The following SLC30A10 variants were observed in gnomAD, a reference collection of about 807,000 sequenced individuals.
SLC30A10 encodes calcium/manganese antiporter SLC30A10.
In SLC30A10, 8 loss-of-function variants were observed where a neutral mutation model predicts 21.7. That is an observed-to-expected ratio of 0.37 (90% CI 0.22 to 0.67). SLC30A10 has a LOEUF of 0.67. Ranked by LOEUF, SLC30A10 falls within the 30% of genes least tolerant of loss-of-function variation. SLC30A10 has a pLI of 0.58. For missense variants in SLC30A10, 521 were observed against 642.5 expected, an observed-to-expected ratio of 0.81 and a Z score of 2.04; for synonymous variants, 272 against 279.4, an observed-to-expected ratio of 0.97 and a Z score of 0.26.
chr1:219,911,149 G>GTTTTTTTTTTTTTTT lies in SLC30A10; in HGVS notation c.*4285_*4299dup. On this transcript the variant is annotated 3_prime_UTR_variant, in exon 4 of 4. Coordinates refer to ENST00000366926, the MANE Select transcript of SLC30A10 (RefSeq NM_018713.3). The stretch of plus-strand genomic sequence containing the variant: ...ATGTTTCTTCATTTTTTCTACATCA[G>GTTTTTTTTTTTTTTT]TTTTTTTTTTTTTTTTTTTTTTTTT... 3.2e-4 allele frequency among the ~76,000 whole-genome samples: 16 copies of GTTTTTTTTTTTTTTT among 49,406 alleles called. No homozygotes were observed. Among genetic ancestry groups the GTTTTTTTTTTTTTTT allele is most frequent in the African/African-American group, 5.2e-4 (9 of 17,164 alleles). 32.4% of individuals were successfully genotyped at this position (49,406 alleles called of 152,430 possible).
intron 1 of SLC30A10, among the ~76,000 whole-genome samples, chr1:219,942,603 C>T (rs1051460007): frequency 2.6e-5 from 4 of 152,196 alleles, no homozygotes; most frequent in African/African-American, 7.2e-5. Flanking sequence ...ATAACTCAGG[C>T]AAACAATTTT....
chr1:219,943,334 T>C (rs1660144756), intron 1 of SLC30A10, among the ~76,000 whole-genome samples: 1 of 152,186 alleles, frequency 6.6e-6, no homozygotes, highest in African/African-American at 2.4e-5. Context: ...AGTGAAGTCA[T>C]AATGGAGACC....
chr1:219,933,445 C>T (rs539388766), upstream of SLC30A10, among the ~76,000 whole-genome samples: 4 of 152,310 alleles, frequency 2.6e-5, no homozygotes, highest in East Asian at 1.9e-4. Context: ...GCTTTGGAGT[C>T]GGACCGATTT....
At chr1:219,953,966 A>G (rs1463486479) in intron 1 of SLC30A10, among the ~76,000 whole-genome samples, 2 of 151,674 alleles carry the variant, frequency 1.3e-5, no homozygotes, top group Non-Finnish European at 2.9e-5. Context: ...TCAGCCTCCC[A>G]AAGTGCTGGG....
chr1:219,923,905 C>A (rs548824664), intron 2 of SLC30A10, among the ~76,000 whole-genome samples: 1 of 151,780 alleles, frequency 6.6e-6, no homozygotes, highest in Non-Finnish European at 1.5e-5. Flanking sequence ...ACTAAAAATA[C>A]AAAAAAAATT....
intron 1 of SLC30A10, among the ~76,000 whole-genome samples, chr1:219,944,912 C>T (rs1469764589): frequency 6.6e-6 from 1 of 152,158 alleles, no homozygotes; most frequent in Non-Finnish European, 1.5e-5. Flanking sequence ...TGTCTAAACA[C>T]ACCACTTAAA....
Position 219,928,207 on chromosome 1 carries a change from C to G in SLC30A10, c.234G>C (p.Glu78Asp). ...FSATYGYARA[E>D]VVGALSNAVF... ...CCGCGTTGCTCAGCGCGCCCACCAC[C>G]TCGGCGCGGGCGTAGCCGTAGGTGG... Residue 78 changes from glutamate (E) to aspartate (D), a missense_variant, in exon 1 of 4, where the codon GAG becomes GAC. By Grantham distance (45) the Glu-to-Asp change is conservative (BLOSUM62 2). Coordinates refer to ENST00000366926, the MANE Select transcript of SLC30A10 (RefSeq NM_018713.3). The surrounding 1 kb of genome is among the most constrained non-coding windows in gnomAD (Gnocchi z 6.3). 1 of 1,561,694 alleles carries G rather than the reference C, an allele frequency of 6.4e-7. No homozygotes were observed. Among genetic ancestry groups the G allele is most frequent in the Non-Finnish European group, 8.7e-7 (1 of 1,153,034 alleles).
intron 1 of SLC30A10, among the ~76,000 whole-genome samples, chr1:219,948,440 C>T (rs893695913): frequency 6.6e-5 from 10 of 151,992 alleles, no homozygotes; most frequent in African/African-American, 2.4e-4. Context: ...CAGAACAGAG[C>T]CCTCAGAAAT....
Position 219,918,516 on chromosome 1 carries a change from G to GTA in SLC30A10, c.719-23_719-22insTA, listed in dbSNP as rs762693128. 10 of 1,558,028 alleles carry GTA rather than the reference G, an allele frequency of 6.4e-6. No homozygotes were observed. In the South Asian group the frequency reaches 1.2e-4, roughly 19 times the overall value. ...ACACCTGCCAGGAAGAAAGACTACT[G>GTA]CAGCACAGATGCAAATCTGGAAGCC... On this transcript the variant is annotated intron_variant, in intron 2 of 3. Transcript: ENST00000366926. The surrounding 1 kb of genome is among the most constrained non-coding windows in gnomAD (Gnocchi z 4.4).
intron 2 of SLC30A10, among the ~76,000 whole-genome samples, chr1:219,921,907 A>AGAGAG (rs1659687168): frequency 1.5e-5 from 1 of 65,984 alleles, no homozygotes; most frequent in South Asian, 5.5e-4. Context: ...GTGTGTGTGA[A>AGAGAG]AGAGAGAGAG....
In SLC30A10 at chr1:219,912,556, C is replaced by T. The variant is rs556221282; in HGVS notation, c.*2893G>A. The stretch of plus-strand genomic sequence containing the variant: ...CTTTAAAAATTATGTCAGTTCTGGC[C>T]GGGCGCAGTGGCTTACGCCTGTAAT... On this transcript the variant is annotated 3_prime_UTR_variant, in exon 4 of 4. Transcript: ENST00000366926. Among the ~76,000 whole-genome samples the T allele has an allele frequency of 5.9e-5, 9 of 152,224 alleles. No homozygotes were observed. The South Asian group carries it at 1.2e-3, about 21-fold the overall frequency.
At chr1:219,947,153 CTTTAT>C (rs1430480262) in intron 1 of SLC30A10, among the ~76,000 whole-genome samples, 1 of 152,150 alleles carries the variant, frequency 6.6e-6, no homozygotes, top group Admixed American at 6.5e-5. Context: ...TAAGGATCAT[CTTTAT>C]TTTATTTCCT....
intron 2 of SLC30A10, among the ~76,000 whole-genome samples, chr1:219,924,795 A>AGT (rs1659775369): frequency 1.3e-5 from 2 of 152,218 alleles, no homozygotes; most frequent in African/African-American, 4.8e-5. Context: ...TATAAGCCTA[A>AGT]ACACTTTATA....
rs150540254 is a variant in SLC30A10 at position 219,945,419 on chromosome 1, T to A, written n.80+13149A>T. Among the ~76,000 whole-genome samples the A allele has an allele frequency of 1.7e-3, 259 of 152,244 alleles. 1 individual carries two copies. Among genetic ancestry groups the A allele is most frequent in the Middle Eastern group, 0.014 (4 of 294 alleles). On this transcript the variant is annotated intron_variant and non_coding_transcript_variant, in intron 1 of 8. Coordinates refer to the SLC30A10 transcript ENST00000484239. Reference sequence around the variant, plus strand: ...TTTGTAACTTACTGAGAATATAAAGTGATTTCAAAATAAAATTTTAAAAAA... The same window carrying A: ...TTTGTAACTTACTGAGAATATAAAGAGATTTCAAAATAAAATTTTAAAAAA...
At chr1:219,922,703 T>C (rs1385628173) in intron 2 of SLC30A10, among the ~76,000 whole-genome samples, 1 of 151,894 alleles carries the variant, frequency 6.6e-6, no homozygotes, top group Non-Finnish European at 1.5e-5. Flanking sequence ...TTCTGTAGAG[T>C]ATGTAAAAAA....
intron 1 of SLC30A10, among the ~76,000 whole-genome samples, chr1:219,956,773 C>A (rs1318962732): frequency 6.6e-6 from 1 of 151,734 alleles, no homozygotes; most frequent in Non-Finnish European, 1.5e-5. Flanking sequence ...TGGAAAATAC[C>A]ACTTCCCAAA....
In SLC30A10 at chr1:219,927,966, C is replaced by T; in HGVS notation, c.475G>A (p.Ala159Thr). ...AAAGCGCCGGGGACACAGCCCTCCG[C>T]CAGCTGCTGCCGCTGCTGCAGGCGG... ...SRRLQQRQQL[A>T]EGCVPGAFGG... The change falls in exon 1 of 4, where the codon GCG becomes ACG. Residue 159 changes from alanine to threonine, a missense_variant. Ala to Thr is a moderately conservative substitution (Grantham distance 58, BLOSUM62 0). Transcript: ENST00000366926. 2 of 1,547,000 alleles carry T rather than the reference C, an allele frequency of 1.3e-6. No homozygotes were observed. The highest frequency in any genetic ancestry group is 1.7e-6 in the Non-Finnish European group (2 of 1,145,922).
At chr1:219,921,056 A>T (rs1446052922) in intron 2 of SLC30A10, among the ~76,000 whole-genome samples, 1 of 152,252 alleles carries the variant, frequency 6.6e-6, no homozygotes, top group Non-Finnish European at 1.5e-5. Context: ...TAAAGAAAAC[A>T]AGCCGCGTGG....
In SLC30A10 at chr1:219,918,632, A is replaced by T; in HGVS notation, c.719-138T>A. 1.9e-6 allele frequency: 2 copies of T among 1,048,192 alleles called. No homozygotes were observed. Among genetic ancestry groups the T allele is most frequent in the Non-Finnish European group, 2.6e-6 (2 of 755,178 alleles). 64.9% of individuals were successfully genotyped at this position (1,048,192 alleles called of 1,614,324 possible). A position where few individuals can be genotyped will look rare whatever the true frequency, so the allele number is the denominator to read the frequency against. The stretch of plus-strand genomic sequence containing the variant: ...TTTTTGTTTTGGTTAGAACAGTAGG[A>T]TGAATCAAAATAATGGCAACTACTT... On this transcript the variant is annotated intron_variant, in intron 2 of 3. Coordinates refer to ENST00000366926, the MANE Select transcript of SLC30A10 (RefSeq NM_018713.3). The surrounding 1 kb of genome is among the most constrained non-coding windows in gnomAD (Gnocchi z 4.4).
Sources: allele counts gnomAD v4.1 joint callset (sites outside exome capture counted in the v4.1 genomes callset), GRCh38; gene constraint gnomAD v4.1.1; non-coding constraint Gnocchi (gnomAD v3.1); transcripts MANE v1.5; gene names NCBI Gene and HGNC (gene_info 2026-07-23, HGNC 2026-07-21).